The following DCAF8 variants were observed in gnomAD, a reference collection of about 807,000 sequenced individuals.
DCAF8 encodes the protein DDB1 and CUL4 associated factor 8, also known as DDB1- and CUL4-associated factor 8.
DCAF8 carries 20 observed loss-of-function variants against 68.0 expected under a neutral mutation model. That is an observed-to-expected ratio of 0.29 (90% confidence interval 0.21 to 0.43). The LOEUF is 0.43. DCAF8 is among the 20% of genes least tolerant of loss of function. The pLI, the probability that DCAF8 is intolerant of heterozygous loss-of-function variation, is 1.00. For synonymous variants in DCAF8, 230 were observed against 276.9 expected, an observed-to-expected ratio of 0.83 and a Z score of 1.68; for missense variants, 460 against 771.0, an observed-to-expected ratio of 0.60 and a Z score of 4.78.
Position 160,216,008 on chromosome 1 carries a change from C to T in DCAF8, c.*1584G>A, listed in dbSNP as rs903880733. 2.0e-5 allele frequency: 3 copies of T among 152,144 alleles called. No individual in the cohort carries two copies. The highest frequency in any genetic ancestry group is 6.5e-5 in the Admixed American group (1 of 15,280). The allele number at this position is 152,144 out of a possible 1,614,324, so 9.4% of individuals were successfully genotyped here. ...CAGGATACAGAATTCTTGGTTGGAT[C>T]TTGTGGAACTGGGGGCAAAAAAATA... is the stretch of plus-strand genomic sequence containing the variant. On this transcript the variant is annotated 3_prime_UTR_variant, in exon 14 of 14. Transcript: ENST00000368074.
chr1:160,250,606 T>C (rs1327775759), intron 2 of DCAF8, among the ~76,000 whole-genome samples: 1 of 151,980 alleles, frequency 6.6e-6, no homozygotes, highest in Non-Finnish European at 1.5e-5. Context: ...GGTCAATATA[T>C]CATAGCAAAT....
chr1:160,230,839 A>C (rs1344796377), intron 7 of DCAF8, among the ~76,000 whole-genome samples: 1 of 151,600 alleles, frequency 6.6e-6, no homozygotes, highest in Non-Finnish European at 1.5e-5. Flanking sequence ...GCAACCTCTG[A>C]CTCCTGAGCT....
chr1:160,225,628 T>C lies in DCAF8; in HGVS notation c.1106A>G (p.Asn369Ser). 7 of 1,613,816 alleles carry C rather than the reference T, an allele frequency of 4.3e-6. No individual in the cohort carries two copies. Among genetic ancestry groups the C allele is most frequent in the Non-Finnish European group, 5.9e-6 (7 of 1,179,726 alleles). Residue 369 changes from asparagine to serine, a missense_variant, in exon 8 of 14, where the codon AAC becomes AGC. By Grantham distance (46) the Asn-to-Ser change is conservative. Coordinates refer to ENST00000368074, the MANE Select transcript of DCAF8 (RefSeq NM_015726.4). ...YDQRKIDENENNGVLKKFCPH... is the reference protein window; with the variant it reads ...YDQRKIDENESNGVLKKFCPH... ...ACAGAACTTCTTGAGTACTCCATTG[T>C]TCTCATTCTCATCAATTTTCCTCTG...
At position 160,219,100 on chromosome 1, in the gene DCAF8, C is replaced by CA. The variant is rs538285534; in HGVS notation, c.1441-133dup. ...AGCTGCTGGGGAAGGGAGGCCCACC[C>CA]ATCCTGAGCCTAAGCCAAAGGGCAC... On this transcript the variant is annotated intron_variant, in intron 11 of 13. Coordinates refer to ENST00000368074, the MANE Select transcript of DCAF8 (RefSeq NM_015726.4). The CA allele has an allele frequency of 7.7e-6, 10 of 1,292,484 alleles. No homozygotes were observed. In the South Asian group the frequency reaches 1.5e-4, roughly 19 times the overall value. 80.1% of individuals were successfully genotyped at this position (1,292,484 alleles called of 1,614,324 possible).
Position 160,240,355 on chromosome 1 carries a change from C to T in DCAF8, c.65G>A (p.Ser22Asn). The change falls in exon 4 of 14, where the codon AGT (serine) becomes AAT (asparagine). Residue 22 changes from serine to asparagine, a missense_variant. Physicochemically the swap from Ser to Asn is conservative, Grantham distance 46. Coordinates refer to ENST00000368074, the MANE Select transcript of DCAF8 (RefSeq NM_015726.4). ...TDLANGSLSSSPEEMSGAEEG... is the reference protein window; with the variant it reads ...TDLANGSLSSNPEEMSGAEEG... ...TTCAGCTCCAGACATCTCCTCTGGA[C>T]TGCTAGACAGGCTTCCTGCATGTTA... 4 of 1,610,356 alleles carry T rather than the reference C, an allele frequency of 2.5e-6. No homozygotes were observed. The highest frequency in any genetic ancestry group is 1.3e-5 in the African/African-American group (1 of 74,970).
chr1:160,249,837 G>A (rs1656505604), intron 2 of DCAF8, among the ~76,000 whole-genome samples: 1 of 152,172 alleles, frequency 6.6e-6, no homozygotes, highest in South Asian at 2.1e-4. Context: ...ACTGATACAA[G>A]CAACAACATG....
Position 160,248,417 on chromosome 1 carries a change from A to G in DCAF8, c.-26-4383T>C, listed in dbSNP as rs528450755. On this transcript the variant is annotated intron_variant, in intron 2 of 13. Coordinates refer to ENST00000368074, the MANE Select transcript of DCAF8 (RefSeq NM_015726.4). ...AAACATGTATTTGATCAAGGACAGT[A>G]ACCAGAATATCCTTTAAAACTGTCG... 5.9e-5 allele frequency among the ~76,000 whole-genome samples: 9 copies of G among 152,342 alleles called. No homozygotes were observed. The East Asian group carries it at 1.7e-3, about 29-fold the overall frequency.
chr1:160,229,225 G>A (rs1342986656), intron 7 of DCAF8, among the ~76,000 whole-genome samples: 5 of 152,064 alleles, frequency 3.3e-5, no homozygotes, highest in African/African-American at 1.2e-4. Flanking sequence ...GAACCCAGGA[G>A]GCAGAGGTTG....
intron 7 of DCAF8, among the ~76,000 whole-genome samples, chr1:160,226,927 G>C (rs758860781): frequency 2.6e-5 from 4 of 152,136 alleles, no homozygotes; most frequent in Non-Finnish European, 5.9e-5. Flanking sequence ...TCATATATCC[G>C]TGTGAAAGGT....
At chr1:160,236,538 G>A (rs1655903691) in intron 6 of DCAF8, among the ~76,000 whole-genome samples, 1 of 152,034 alleles carries the variant, frequency 6.6e-6, no homozygotes, top group African/African-American at 2.4e-5. Context: ...AAGAAAATGA[G>A]GTTCAGAAGG....
At chr1:160,223,511 T>C (rs1655365739) in intron 10 of DCAF8, among the ~76,000 whole-genome samples, 1 of 152,188 alleles carries the variant, frequency 6.6e-6, no homozygotes, top group African/African-American at 2.4e-5. Flanking sequence ...TTCCTGGACA[T>C]TAGAATCATG....
chr1:160,229,302 A>G (rs1440702203), intron 7 of DCAF8, among the ~76,000 whole-genome samples: 1 of 152,138 alleles, frequency 6.6e-6, no homozygotes, highest in Non-Finnish European at 1.5e-5. Context: ...TCTCAAAAAA[A>G]AAACAAAAAT....
intron 6 of DCAF8, 132 bp from the exon 7 acceptor site, chr1:160,231,539 G>T: frequency 1.5e-6 from 1 of 663,746 alleles, no homozygotes; most frequent in South Asian, 2.0e-5. Flanking sequence ...AAGAATTGTT[G>T]TGTTTTCTCT....
intron 4 of DCAF8, 140 bp downstream of exon 4, chr1:160,239,557 T>C (rs776475469): frequency 1.3e-5 from 21 of 1,580,300 alleles, no homozygotes; most frequent in Non-Finnish European, 1.7e-5. Context: ...ATTTAGGTCA[T>C]TAGGGGAGCC....
At chr1:160,229,484 A>AATACATATGAATACATAC (rs1348614970) in intron 7 of DCAF8, among the ~76,000 whole-genome samples, 2 of 151,940 alleles carry the variant, frequency 1.3e-5, no homozygotes, top group Non-Finnish European at 2.9e-5. Flanking sequence ...ATATCATATG[A>AATACATATGAATACATAC]ATACATATGA....
At position 160,215,744 on chromosome 1, in the gene DCAF8, G is replaced by GAGAA. The variant is rs997909301; in HGVS notation, c.*1844_*1847dup. On this transcript the variant is annotated 3_prime_UTR_variant, in exon 14 of 14. Transcript: ENST00000368074. ...GTCGGGAGAAGAAAAGCTTTACTGG[G>GAGAA]AGAAAATACAACAAATTCCAGAGTG... The GAGAA allele has an allele frequency of 2.0e-5, 3 of 152,204 alleles. No individual in the cohort carries two copies. The highest frequency in any genetic ancestry group is 7.2e-5 in the African/African-American group (3 of 41,396). 9.4% of individuals were successfully genotyped at this position (152,204 alleles called of 1,614,324 possible).
chr1:160,218,290 C>T, intron 13 of DCAF8, 34 bp downstream of exon 13: 1 of 1,555,536 alleles, frequency 6.4e-7, no homozygotes, highest in Non-Finnish European at 8.9e-7. Context: ...AAAAGGGTCA[C>T]TCCCTTGGGA....
At position 160,243,983 on chromosome 1, in the gene DCAF8, T is replaced by C; in HGVS notation, c.26A>G (p.Asp9Gly). 3.1e-6 allele frequency: 5 copies of C among 1,614,188 alleles called. No individual in the cohort carries two copies. The highest frequency in any genetic ancestry group is 4.2e-6 in the Non-Finnish European group (5 of 1,180,020). MSSKGSST[D>G]GRTDLANGSL... ...ACCATTAGCTAAGTCTGTTCTGCCA[T>C]CTGTGCTGCTCCCTTTGCTGGACAT... Residue 9 changes from aspartate to glycine, a missense_variant, in exon 3 of 14, where the codon GAT becomes GGT. Transcript: ENST00000368074.
intron 5 of DCAF8, among the ~76,000 whole-genome samples, chr1:160,237,583 G>A (rs989564389): frequency 6.6e-6 from 1 of 152,160 alleles, no homozygotes; most frequent in East Asian, 1.9e-4. Flanking sequence ...CTGAAGTGCA[G>A]TGGCATGATC....
Sources: allele counts gnomAD v4.1 joint callset (sites outside exome capture counted in the v4.1 genomes callset), GRCh38; gene constraint gnomAD v4.1.1; transcripts MANE v1.5; gene names NCBI Gene and HGNC (gene_info 2026-07-23, HGNC 2026-07-21).